SULF1: variants seen among roughly 807,000 people sequenced by gnomAD.
SULF1 encodes the protein sulfatase 1.
A neutral mutation model predicts 110.5 loss-of-function variants in SULF1; 46 were observed. That is an observed-to-expected ratio of 0.42 (90% CI 0.33 to 0.53). The LOEUF is 0.53. SULF1 is among the 20% of genes least tolerant of loss of function. The pLI is 0.12. For synonymous variants in SULF1, 371 were observed against 387.1 expected (o/e 0.96, Z 0.49); for missense variants, 941 against 1,094.2 (o/e 0.86, Z 1.98).
intron 13 of SULF1, among the ~76,000 whole-genome samples, chr8:69,615,385 G>C (rs1473663086): frequency 6.6e-6 from 1 of 152,148 alleles, no homozygotes; most frequent in Non-Finnish European, 1.5e-5. Flanking sequence ...TTCTAAAATG[G>C]CTGTGGCAAT....
At chr8:69,587,490 T>C (rs1435955226) in intron 7 of SULF1, among the ~76,000 whole-genome samples, 1 of 152,182 alleles carries the variant, frequency 6.6e-6, no homozygotes. Flanking sequence ...TGAATGCAAA[T>C]GAATTCATAA....
At chr8:69,545,085 C>CTTT (rs56914726) in intron 3 of SULF1, among the ~76,000 whole-genome samples, 9,984 of 134,768 alleles carry the variant, frequency 0.074, 500 homozygotes, top group African/African-American at 0.13. Context: ...TAAAGGAATT[C>CTTT]TTTTTTTTTT....
chr8:69,571,614 G>A (rs1256024270), intron 5 of SULF1, among the ~76,000 whole-genome samples: 1 of 152,120 alleles, frequency 6.6e-6, no homozygotes, highest in Non-Finnish European at 1.5e-5. Context: ...GGCACCCAAG[G>A]CCTGAAACCT....
At chr8:69,623,819 A>T in intron 14 of SULF1, 123 bp from the exon 15 acceptor site, 1 of 1,167,170 alleles carries the variant, frequency 8.6e-7, no homozygotes, top group Non-Finnish European at 1.2e-6. Context: ...CCACGATGCC[A>T]CTCAGCAATG....
intron 19 of SULF1, among the ~76,000 whole-genome samples, chr8:69,636,907 C>A (rs1811080042): frequency 6.6e-6 from 1 of 152,104 alleles, no homozygotes; most frequent in Non-Finnish European, 1.5e-5. Context: ...TGGATCAAAC[C>A]AGCAGCAGGC....
At chr8:69,548,137 T>C (rs536061716) in intron 3 of SULF1, among the ~76,000 whole-genome samples, 1 of 152,286 alleles carries the variant, frequency 6.6e-6, no homozygotes, top group Admixed American at 6.5e-5. Flanking sequence ...GTCTTCATTC[T>C]TATTTTAAAC....
intron 13 of SULF1, among the ~76,000 whole-genome samples, chr8:69,620,114 G>A (rs540971459): frequency 6.6e-6 from 1 of 152,226 alleles, no homozygotes; most frequent in South Asian, 2.1e-4. Context: ...GGATGGAGTG[G>A]GAAGATGATC....
chr8:69,571,992 C>G (rs990231684), intron 5 of SULF1, among the ~76,000 whole-genome samples: 17 of 152,188 alleles, frequency 1.1e-4, no homozygotes, highest in African/African-American at 4.1e-4. Flanking sequence ...CCATGGCAGT[C>G]AGCAGCTAAA....
At chr8:69,605,776 G>C (rs1018889699) in intron 13 of SULF1, among the ~76,000 whole-genome samples, 1 of 152,178 alleles carries the variant, frequency 6.6e-6, no homozygotes, top group Non-Finnish European at 1.5e-5. Context: ...AACACATAGT[G>C]AGCATTTGTC....
intron 1 of SULF1, among the ~76,000 whole-genome samples, chr8:69,484,493 C>G (rs941894823): frequency 6.6e-6 from 1 of 152,164 alleles, no homozygotes; most frequent in Admixed American, 6.5e-5. Context: ...TATAGTAAAG[C>G]ACACAGTTTT....
intron 8 of SULF1, among the ~76,000 whole-genome samples, chr8:69,591,019 C>A (rs997081285): frequency 6.6e-6 from 1 of 152,176 alleles, no homozygotes; most frequent in Non-Finnish European, 1.5e-5. Flanking sequence ...AAGGTGACTT[C>A]CTATAACTGT....
At chr8:69,613,005 T>A (rs1808782661) in intron 13 of SULF1, among the ~76,000 whole-genome samples, 1 of 152,214 alleles carries the variant, frequency 6.6e-6, no homozygotes, top group East Asian at 1.9e-4. Context: ...ATTTAAGTCT[T>A]TGATCCATCT....
At chr8:69,632,025 A>T (rs1189665214) in intron 19 of SULF1, among the ~76,000 whole-genome samples, 1 of 152,242 alleles carries the variant, frequency 6.6e-6, no homozygotes, top group African/African-American at 2.4e-5. Flanking sequence ...CCTGACCCAA[A>T]GGAATTGCTT....
chr8:69,576,337 C>T (rs1805609199), intron 6 of SULF1, 128 bp downstream of exon 6: 23 of 1,069,676 alleles, frequency 2.2e-5, no homozygotes, highest in Non-Finnish European at 3.1e-5. Context: ...TTTTAAACTG[C>T]TTGACATCTA....
chr8:69,624,536 T>C (rs893985786), intron 15 of SULF1, among the ~76,000 whole-genome samples: 7 of 152,224 alleles, frequency 4.6e-5, no homozygotes, highest in Non-Finnish European at 8.8e-5. Context: ...GCAGTTACCT[T>C]CGCAGGCATC....
chr8:69,547,861 G>A (rs1208399181), intron 3 of SULF1, among the ~76,000 whole-genome samples: 1 of 152,112 alleles, frequency 6.6e-6, no homozygotes, highest in Non-Finnish European at 1.5e-5. Context: ...AGAATAAATG[G>A]AATTGAACAA....
chr8:69,512,026 G>A (rs937835982), intron 3 of SULF1, among the ~76,000 whole-genome samples: 4 of 152,126 alleles, frequency 2.6e-5, no homozygotes, highest in African/African-American at 9.7e-5. Context: ...GCATCACGAA[G>A]AGAAGTTTCC....
chr8:69,502,695 T>C (rs1228153736), intron 3 of SULF1, among the ~76,000 whole-genome samples: 1 of 148,156 alleles, frequency 6.7e-6, no homozygotes, highest in Admixed American at 6.7e-5. Context: ...TTTTTCTTTT[T>C]TTTTTTTTTT....
intron 22 of SULF1, among the ~76,000 whole-genome samples, chr8:69,651,981 A>T (rs1812376032): frequency 6.6e-6 from 1 of 152,148 alleles, no homozygotes; most frequent in Admixed American, 6.5e-5. Flanking sequence ...TGGGGGCTCG[A>T]GGCAAGAATG....
Sources: allele counts gnomAD v4.1 joint callset (sites outside exome capture counted in the v4.1 genomes callset), GRCh38; gene constraint gnomAD v4.1.1; transcripts MANE v1.5; gene names NCBI Gene and HGNC (gene_info 2026-07-23, HGNC 2026-07-21).